TENM3: variants seen among roughly 807,000 people sequenced by gnomAD.
TENM3 encodes teneurin transmembrane protein 3, also known as teneurin-3.
Under a neutral mutation model 255.1 loss-of-function variants are expected in TENM3, and 63 were observed. The observed-to-expected ratio is 0.25, with a 90% confidence interval of 0.20 to 0.30. TENM3 has a LOEUF of 0.30. Ranked by LOEUF, TENM3 falls within the 10% of genes least tolerant of loss-of-function variation. TENM3 has a pLI of 1.00. For missense variants in TENM3, 2,929 were observed against 3,461.1 expected (o/e 0.85, Z 3.86); for synonymous variants, 1,306 against 1,322.3 (o/e 0.99, Z 0.27).
At chr4:182,541,880 A>G (rs948005332) in intron 3 of TENM3, among the ~76,000 whole-genome samples, 1 of 151,768 alleles carries the variant, frequency 6.6e-6, no homozygotes, top group Non-Finnish European at 1.5e-5. Flanking sequence ...GTAACATAGC[A>G]AGACCCCGTC....
chr4:182,508,714 A>G (rs1489843348), intron 3 of TENM3, among the ~76,000 whole-genome samples: 1 of 152,230 alleles, frequency 6.6e-6, no homozygotes, highest in East Asian at 1.9e-4. Flanking sequence ...TGTGCAGTTA[A>G]ATAAATGATG....
the TENM3 span, chr4:182,079,851 A>G: frequency 7.2e-5 from 11 of 152,338 alleles, no homozygotes; most frequent in Admixed American, 6.5e-4. Flanking sequence ...CTCAGTAAAG[A>G]TGTCACTTCA....
chr4:182,214,586 C>T (rs1755323790), intron 1 of TENM3, among the ~76,000 whole-genome samples: 1 of 150,794 alleles, frequency 6.6e-6, no homozygotes, highest in Admixed American at 6.6e-5. Context: ...GACTGGTCTT[C>T]ACCTCCTGGG....
the TENM3 span, among the ~76,000 whole-genome samples, chr4:182,092,124 G>A: frequency 9.2e-5 from 14 of 152,122 alleles, no homozygotes; most frequent in Non-Finnish European, 1.8e-4. Flanking sequence ...TGGATCACTC[G>A]AGGTCAGGAG....
At chr4:181,486,820 G>A in the TENM3 span, among the ~76,000 whole-genome samples, 3,451 of 152,194 alleles carry the variant, frequency 0.023, 46 homozygotes, top group Middle Eastern at 0.061. Flanking sequence ...CACAATTTTC[G>A]AAGTATTAGA....
intron 12 of TENM3, among the ~76,000 whole-genome samples, chr4:182,698,755 G>T (rs1757625590): frequency 6.6e-6 from 1 of 152,192 alleles, no homozygotes. Flanking sequence ...GAAAAAGACA[G>T]GCAGCAGCAT....
the TENM3 span, among the ~76,000 whole-genome samples, chr4:181,577,090 AAT>A: frequency 8.4e-6 from 1 of 119,480 alleles, no homozygotes; most frequent in African/African-American, 3.5e-5. Context: ...TATAATATAT[AAT>A]ATATATTTTA....
At chr4:181,839,410 T>C in the TENM3 span, among the ~76,000 whole-genome samples, 1 of 144,444 alleles carries the variant, frequency 6.9e-6, no homozygotes, top group East Asian at 2.0e-4. Flanking sequence ...TATATATACA[T>C]GTATGCCTAT....
At chr4:182,649,501 A>G (rs926424762) in intron 5 of TENM3, among the ~76,000 whole-genome samples, 2 of 150,560 alleles carry the variant, frequency 1.3e-5, no homozygotes, top group African/African-American at 4.8e-5. Context: ...AAAACTAAGA[A>G]GCATAATACT....
chr4:182,225,811 G>A (rs547003813), intron 1 of TENM3, among the ~76,000 whole-genome samples: 11 of 152,300 alleles, frequency 7.2e-5, no homozygotes, highest in Admixed American at 4.6e-4. Context: ...TGACAAAGCA[G>A]TGGGCCATGC....
chr4:181,985,198 T>C, the TENM3 span, among the ~76,000 whole-genome samples: 1 of 151,742 alleles, frequency 6.6e-6, no homozygotes, highest in Non-Finnish European at 1.5e-5. Context: ...TCATTTTCCA[T>C]GGTAATACTC....
intron 2 of TENM3, among the ~76,000 whole-genome samples, chr4:182,324,538 A>C (rs961162974): frequency 1.3e-5 from 2 of 152,160 alleles, no homozygotes; most frequent in African/African-American, 4.8e-5. Flanking sequence ...CGTTTGTACA[A>C]ACTTGTGTAA....
At chr4:182,737,172 A>G in intron 17 of TENM3, 97 bp downstream of exon 17, 2 of 1,279,662 alleles carry the variant, frequency 1.6e-6, no homozygotes, top group Non-Finnish European at 2.2e-6. Flanking sequence ...GGATAAACAG[A>G]ATATAAAGAG....
At chr4:181,605,601 GAAA>G in the TENM3 span, among the ~76,000 whole-genome samples, 1 of 127,466 alleles carries the variant, frequency 7.8e-6, no homozygotes, top group African/African-American at 2.7e-5. Flanking sequence ...AAGAAAGAAA[GAAA>G]GAAAGAAAGA....
rs1317591608 is a variant in TENM3, at chr4:182,230,509, G to A, written c.-76+85755G>A. ...GTACTGTGTTGTAAACTCTTTTCTA[G>A]GTGCTTGCAATAGAGCAGTGACCAA... is the stretch of plus-strand genomic sequence containing the variant. On this transcript the variant is annotated intron_variant, in intron 1 of 2. Transcript: ENST00000512480. Among the ~76,000 whole-genome samples the A allele has an allele frequency of 6.6e-5, 10 of 151,928 alleles. No homozygotes were observed. In the South Asian group the frequency reaches 2.1e-3, roughly 32 times the overall value.
chr4:182,184,920 T>C lies in TENM3; in HGVS notation c.-76+40166T>C, dbSNP rs540770388. The stretch of plus-strand genomic sequence containing the variant: ...CAACATGATGACACTGCGTCTCTAC[T>C]AGAAATACAAAAAATAGCTGGGCAT... On this transcript the variant is annotated intron_variant, in intron 1 of 2. Transcript: ENST00000512480. 3.9e-4 allele frequency among the ~76,000 whole-genome samples: 60 copies of C among 152,052 alleles called. 1 individual carries two copies. Among genetic ancestry groups the C allele is most frequent in the Admixed American group, 3.4e-3 (52 of 15,266 alleles).
intron 1 of TENM3, among the ~76,000 whole-genome samples, chr4:182,177,035 A>G (rs1275698814): frequency 6.6e-6 from 1 of 151,774 alleles, no homozygotes; most frequent in Non-Finnish European, 1.5e-5. Flanking sequence ...AATTTTAGAG[A>G]TGATAGTGGA....
At chr4:182,083,043 C>T in the TENM3 span, among the ~76,000 whole-genome samples, 1 of 152,100 alleles carries the variant, frequency 6.6e-6, no homozygotes, top group African/African-American at 2.4e-5. Flanking sequence ...TTTGGCTAAT[C>T]ACTGTAATGT....
chr4:182,165,864 C>G (rs985565524), intron 1 of TENM3, among the ~76,000 whole-genome samples: 1 of 152,206 alleles, frequency 6.6e-6, no homozygotes, highest in African/African-American at 2.4e-5. Flanking sequence ...CAACCTCCAT[C>G]TCCCAGGTTC....
Sources: gnomAD v4.1 joint callset for allele counts (sites outside exome capture counted in the v4.1 genomes callset) on GRCh38, gnomAD v4.1.1 for gene constraint, MANE v1.5 for transcripts, NCBI Gene and HGNC (gene_info 2026-07-23, HGNC 2026-07-21) for gene names.